PCDHGA3: variants seen among roughly 807,000 people sequenced by gnomAD.
The protein encoded by PCDHGA3 is protocadherin gamma subfamily A, 3, also known as protocadherin gamma-A3.
A neutral mutation model predicts 58.5 loss-of-function variants in PCDHGA3; 40 were observed. The observed-to-expected ratio is 0.68, with a 90% confidence interval of 0.53 to 0.89. The LOEUF (loss-of-function observed/expected upper bound fraction) is 0.89. Among genes scored for constraint, PCDHGA3 ranks in the 40% least tolerant of loss-of-function variants. The pLI is 0.00. For missense variants in PCDHGA3, 1,223 were observed against 1,195.9 expected (o/e 1.02, Z -0.33); for synonymous variants, 530 against 525.7 (o/e 1.01, Z -0.11).
At position 141,496,642 on chromosome 5, in the gene PCDHGA3, G is replaced by C. The variant is rs1053400475; in HGVS notation, c.2483+1777G>C. Among the ~76,000 whole-genome samples the C allele has an allele frequency of 6.6e-5, 10 of 152,318 alleles. No individual in the cohort carries two copies. In the East Asian group the frequency reaches 1.5e-3, roughly 24 times the overall value. ...AGATCAAAAGGCTTGGGCTGCCCTT[G>C]CCCTTCCTTTGACCCCAGCTGTTGT... On this transcript the variant is annotated intron_variant, in intron 2 of 3. Transcript: ENST00000253812.
chr5:141,372,455 G>C, intron 1 of PCDHGA3: 1 of 1,614,060 alleles, frequency 6.2e-7, no homozygotes, highest in Non-Finnish European at 8.5e-7. Flanking sequence ...CTCAGGCGGA[G>C]CTACAGTTTC....
chr5:141,490,808 A>C lies in PCDHGA3; in HGVS notation c.2425-3999A>C. On this transcript the variant is annotated intron_variant, in intron 1 of 3. Coordinates refer to ENST00000253812, the MANE Select transcript of PCDHGA3 (RefSeq NM_018916.4). The surrounding 1 kb of genome is among the most constrained non-coding windows in gnomAD (Gnocchi z 5.4). The stretch of plus-strand genomic sequence containing the variant: ...CGGATCTTTGCCCAGCGTACCTTTG[A>C]CTATGAATTGCTGCAGATGCTGCAG... 1 of 1,613,884 alleles carries C rather than the reference A, an allele frequency of 6.2e-7. No homozygotes were observed. The highest frequency in any genetic ancestry group is 8.5e-7 in the Non-Finnish European group (1 of 1,179,874).
chr5:141,355,205 C>T (rs1228836363), intron 1 of PCDHGA3: 2 of 1,597,330 alleles, frequency 1.3e-6, no homozygotes, highest in East Asian at 2.2e-5. Flanking sequence ...GTTGTAATGG[C>T]GGCGCCTCCT....
intron 1 of PCDHGA3, chr5:141,388,717 C>T (rs544297444): frequency 2.5e-6 from 4 of 1,614,022 alleles, no homozygotes; most frequent in Non-Finnish European, 3.4e-6. Context: ...GCCGAGATTA[C>T]TTTCTCTTTC....
chr5:141,352,644 C>T, intron 1 of PCDHGA3: 6 of 1,605,670 alleles, frequency 3.7e-6, no homozygotes, highest in Non-Finnish European at 5.1e-6. Context: ...CACAAAATCG[C>T]TTATGACCCT....
At chr5:141,508,096 G>A (rs1489615862) in intron 3 of PCDHGA3, 1 of 152,476 alleles carries the variant, frequency 6.6e-6, no homozygotes, top group African/African-American at 2.4e-5. Context: ...CCTTGGCCCT[G>A]GGATGGGGTA....
intron 1 of PCDHGA3, chr5:141,376,333 G>A: frequency 6.2e-7 from 1 of 1,614,188 alleles, no homozygotes; most frequent in Non-Finnish European, 8.5e-7. Context: ...GGGCTTTCCT[G>A]CAGACCTATT....
intron 1 of PCDHGA3, chr5:141,352,329 T>C (rs1202025884): frequency 1.1e-5 from 17 of 1,613,954 alleles, no homozygotes; most frequent in Non-Finnish European, 1.4e-5. Flanking sequence ...TACCTGGTTG[T>C]GGCCTTGGCC....
intron 1 of PCDHGA3, chr5:141,409,618 G>C: frequency 6.2e-7 from 1 of 1,613,894 alleles, no homozygotes; most frequent in Non-Finnish European, 8.5e-7. Context: ...CCTCCATTGC[G>C]CAAGTGAGCG....
chr5:141,381,925 G>A (rs1777765051), intron 1 of PCDHGA3, among the ~76,000 whole-genome samples: 1 of 145,664 alleles, frequency 6.9e-6, no homozygotes, highest in Non-Finnish European at 1.5e-5. Flanking sequence ...CACCTCCCGG[G>A]TTCAAGCGAT....
intron 1 of PCDHGA3, chr5:141,398,152 G>T: frequency 5.3e-6 from 8 of 1,498,488 alleles, no homozygotes; most frequent in Non-Finnish European, 7.1e-6. Context: ...CGGGGAGCTG[G>T]GCCGGGCTGA....
At chr5:141,438,997 C>T (rs2098080665) in intron 1 of PCDHGA3, among the ~76,000 whole-genome samples, 1 of 151,716 alleles carries the variant, frequency 6.6e-6, no homozygotes, top group Admixed American at 6.6e-5. Flanking sequence ...AGGCTAAGGA[C>T]CTGGTTTGTT....
intron 1 of PCDHGA3, among the ~76,000 whole-genome samples, chr5:141,456,733 G>A (rs1186997201): frequency 6.6e-6 from 1 of 152,182 alleles, no homozygotes; most frequent in Non-Finnish European, 1.5e-5. Context: ...GGGAGGCTGA[G>A]GCGGGAGCAT....
At chr5:141,455,920 C>T (rs941360102) in intron 1 of PCDHGA3, among the ~76,000 whole-genome samples, 1 of 147,944 alleles carries the variant, frequency 6.8e-6, no homozygotes, top group Non-Finnish European at 1.5e-5. Context: ...TATTTTGAGA[C>T]GGAGTCTCGC....
At chr5:141,362,759 A>G in intron 1 of PCDHGA3, 3 of 647,296 alleles carry the variant, frequency 4.6e-6, no homozygotes, top group Non-Finnish European at 7.8e-6. Flanking sequence ...AACCTTTATC[A>G]CATGAGATAT....
rs74488479 is a variant in PCDHGA3, at chr5:141,361,383, A to G, written c.2424+14926A>G. 3.5e-3 allele frequency: 5,633 copies of G among 1,614,024 alleles called. 147 individuals carry two copies. In the East Asian group the frequency reaches 0.073, roughly 21 times the overall value. ...GCGCTCTGGACCGGGAGGAGATCCC[A>G]GAATACAATCTCACCATCACAGCCA... is the stretch of plus-strand genomic sequence containing the variant. On this transcript the variant is annotated intron_variant, in intron 1 of 3. Transcript: ENST00000253812.
At chr5:141,443,662 C>A (rs1427397469) in intron 1 of PCDHGA3, among the ~76,000 whole-genome samples, 2 of 152,178 alleles carry the variant, frequency 1.3e-5, no homozygotes, top group African/African-American at 4.8e-5. Context: ...TAGCATTTTA[C>A]TGAACTAGTA....
intron 1 of PCDHGA3, chr5:141,388,545 C>G: frequency 6.2e-7 from 1 of 1,613,798 alleles, no homozygotes. Flanking sequence ...TGGAGCTCCA[C>G]CCCTAAGCAG....
At chr5:141,358,796 A>T (rs2149804071) in intron 1 of PCDHGA3, among the ~76,000 whole-genome samples, 1 of 152,278 alleles carries the variant, frequency 6.6e-6, no homozygotes, top group South Asian at 2.1e-4. Flanking sequence ...TGGGTTCTGG[A>T]CTGATATGAT....
Sources: gnomAD v4.1 joint callset for allele counts (sites outside exome capture counted in the v4.1 genomes callset) on GRCh38, gnomAD v4.1.1 for gene constraint, Gnocchi (gnomAD v3.1) non-coding constraint, MANE v1.5 for transcripts, NCBI Gene and HGNC (gene_info 2026-07-23, HGNC 2026-07-21) for gene names.